The following FIG4 variants were observed in gnomAD, a reference collection of about 807,000 sequenced individuals.
FIG4 encodes FIG4 phosphoinositide 5-phosphatase.
FIG4 carries 112 observed loss-of-function variants against 118.6 expected under a neutral mutation model. The observed-to-expected ratio is 0.94, with a 90% confidence interval of 0.81 to 1.11. The LOEUF is 1.11. Ranked by LOEUF, FIG4 falls within the 50% of genes least tolerant of loss-of-function variation. The pLI, the probability that FIG4 is intolerant of heterozygous loss-of-function variation, is 0.00. For synonymous variants in FIG4, 369 were observed against 381.2 expected, an observed-to-expected ratio of 0.97 and a Z score of 0.37; for missense variants, 969 against 1,111.7, an observed-to-expected ratio of 0.87 and a Z score of 1.83.
intron 16 of FIG4, among the ~76,000 whole-genome samples, chr6:109,778,198 T>C (rs1583720077): frequency 1.3e-5 from 2 of 152,070 alleles, no homozygotes; most frequent in African/African-American, 4.8e-5. Context: ...TGGTGGCTCA[T>C]GCCTGTAATC....
At chr6:109,790,919 T>C (rs1256171863) in intron 19 of FIG4, among the ~76,000 whole-genome samples, 3 of 152,228 alleles carry the variant, frequency 2.0e-5, no homozygotes, top group Non-Finnish European at 4.4e-5. Context: ...TGTTCATTAT[T>C]TGGATACACT....
intron 1 of FIG4, among the ~76,000 whole-genome samples, chr6:109,693,024 A>G (rs1379977578): frequency 6.6e-6 from 1 of 152,070 alleles, no homozygotes; most frequent in Non-Finnish European, 1.5e-5. Context: ...AAAGCTGATC[A>G]CTCATGAGGA....
At chr6:109,766,319 G>A (rs573410534) in intron 14 of FIG4, among the ~76,000 whole-genome samples, 1 of 152,304 alleles carries the variant, frequency 6.6e-6, no homozygotes, top group African/African-American at 2.4e-5. Context: ...CCAGTTTATG[G>A]TGTCTTGTTG....
intron 17 of FIG4, 23 bp downstream of exon 17, chr6:109,785,051 G>A (rs1777913463): frequency 2.9e-6 from 4 of 1,360,712 alleles, no homozygotes; most frequent in Non-Finnish European, 4.2e-6. Flanking sequence ...TTGTGTTTTA[G>A]TTTTTACACT....
chr6:109,776,631 A>G (rs986709468), intron 15 of FIG4, among the ~76,000 whole-genome samples: 3 of 152,220 alleles, frequency 2.0e-5, no homozygotes, highest in Non-Finnish European at 2.9e-5. Context: ...GGTATTTACT[A>G]TCTGAGTTCT....
chr6:109,804,039 G>A (rs183952291), intron 22 of FIG4, among the ~76,000 whole-genome samples: 160 of 152,178 alleles, frequency 1.1e-3, no homozygotes, highest in African/African-American at 3.6e-3. Context: ...TCAGATTAAA[G>A]GGAAAACATT....
rs547201099 is a variant in FIG4, at chr6:109,714,787, A to C, written c.67-291A>C. 3.0e-4 allele frequency among the ~76,000 whole-genome samples: 45 copies of C among 152,316 alleles called. 1 individual carries two copies. Among genetic ancestry groups the C allele is most frequent in the African/African-American group, 9.9e-4 (41 of 41,580 alleles). ...AAAGCTTAAACATCAGCCTCCAATCAGTTAGATTAATCTCTAAATTTATGA... is the reference window on the plus strand; with the variant it reads ...AAAGCTTAAACATCAGCCTCCAATCCGTTAGATTAATCTCTAAATTTATGA... On this transcript the variant is annotated intron_variant, in intron 1 of 22. Coordinates refer to ENST00000230124, the MANE Select transcript of FIG4 (RefSeq NM_014845.6).
At chr6:109,776,769 G>C (rs535626917) in intron 15 of FIG4, among the ~76,000 whole-genome samples, 153 bp from the exon 16 acceptor site, 1 of 152,162 alleles carries the variant, frequency 6.6e-6, no homozygotes, top group South Asian at 2.1e-4. Flanking sequence ...TCCAAATCTT[G>C]GTAACTTATG....
intron 10 of FIG4, among the ~76,000 whole-genome samples, chr6:109,758,770 C>T (rs759523109): frequency 6.6e-6 from 1 of 151,904 alleles, no homozygotes; most frequent in Non-Finnish European, 1.5e-5. Flanking sequence ...AAGAAAATAC[C>T]CCATCAAAAA....
rs534958500 is a variant in FIG4 at position 109,776,356 on chromosome 6, A to G, written c.1751-566A>G. On this transcript the variant is annotated intron_variant, in intron 15 of 22. Transcript: ENST00000230124. ...TTTCAACCACAAAAGAGAATGGGCC[A>G]GGCTCACAGCTGACAGGGACAAAAT... is the stretch of plus-strand genomic sequence containing the variant. Among the ~76,000 whole-genome samples the G allele has an allele frequency of 2.0e-5, 3 of 152,366 alleles. No individual in the cohort carries two copies. In the South Asian group the frequency reaches 6.2e-4, roughly 32 times the overall value.
At chr6:109,711,779 T>C (rs1455045595) in intron 1 of FIG4, among the ~76,000 whole-genome samples, 1 of 152,212 alleles carries the variant, frequency 6.6e-6, no homozygotes, top group East Asian at 1.9e-4. Flanking sequence ...AAGGTTAGAA[T>C]TGATACGTGT....
chr6:109,713,866 A>G (rs1775347058), intron 1 of FIG4, among the ~76,000 whole-genome samples: 2 of 152,098 alleles, frequency 1.3e-5, no homozygotes, highest in South Asian at 4.1e-4. Flanking sequence ...CTTCCCTGCA[A>G]GCAGGGCTGG....
At position 109,743,176 on chromosome 6, in the gene FIG4, G is replaced by T; in HGVS notation, c.943G>T (p.Ala315Ser). 1 of 1,612,786 alleles carries T rather than the reference G, an allele frequency of 6.2e-7. No homozygotes were observed. The highest frequency in any genetic ancestry group is 1.1e-5 in the South Asian group (1 of 91,058). Residue 315 changes from alanine (A) to serine (S), a missense_variant, in exon 9 of 23, where the codon GCA (alanine) becomes TCA (serine). By Grantham distance (99) the Ala-to-Ser change is moderately conservative. This residue lies in a region of FIG4 where 393 missense variants were observed against 409.4 expected (regional missense o/e 0.96). Transcript: ENST00000230124. ...CGATGCTTCTGTGATGTCTTTCACTGCAGGAAGTTATTCTTCATATGTACA... is the reference window on the plus strand; with the variant it reads ...CGATGCTTCTGTGATGTCTTTCACTTCAGGAAGTTATTCTTCATATGTACA... ...LCDASVMSFTAGSYSSYVQVR... is the reference protein window; with the variant it reads ...LCDASVMSFTSGSYSSYVQVR...
At chr6:109,732,776 TAC>T in intron 5 of FIG4, 89 bp downstream of exon 5, 1 of 724,278 alleles carries the variant, frequency 1.4e-6, no homozygotes, top group Admixed American at 2.2e-5. Flanking sequence ...AACATAGTAG[TAC>T]TTCTCTTTCA....
rs557247342 is a variant in FIG4 at position 109,814,241 on chromosome 6, C to G, written c.2547-10847C>G. Among the ~76,000 whole-genome samples the G allele has an allele frequency of 3.9e-4, 60 of 152,216 alleles. 2 individuals are homozygous for G. The South Asian group carries it at 0.01, about 26-fold the overall frequency. ...AGAACCTTGACCTGCCCGGCTCAAG[C>G]GATACTCCCACCTCAACTTCCCAAC... On this transcript the variant is annotated intron_variant, in intron 22 of 22. Coordinates refer to ENST00000230124, the MANE Select transcript of FIG4 (RefSeq NM_014845.6).
intron 22 of FIG4, among the ~76,000 whole-genome samples, chr6:109,799,097 A>G (rs1412547586): frequency 6.6e-6 from 1 of 152,248 alleles, no homozygotes; most frequent in Admixed American, 6.5e-5. Flanking sequence ...CCGTTTTCTT[A>G]ACATTATTTC....
At chr6:109,736,543 G>A (rs550622006) in intron 6 of FIG4, among the ~76,000 whole-genome samples, 1 of 152,252 alleles carries the variant, frequency 6.6e-6, no homozygotes, top group African/African-American at 2.4e-5. Context: ...TGCTTGCAAC[G>A]CTTCTGAATG....
chr6:109,784,566 TTGTAG>T (rs1308852449), intron 16 of FIG4, among the ~76,000 whole-genome samples: 2 of 152,246 alleles, frequency 1.3e-5, no homozygotes, highest in Non-Finnish European at 2.9e-5. Flanking sequence ...GGAATCCTGG[TTGTAG>T]GACTTGGGTC....
At chr6:109,750,324 G>A (rs1461289079) in intron 10 of FIG4, among the ~76,000 whole-genome samples, 1 of 152,144 alleles carries the variant, frequency 6.6e-6, no homozygotes, top group Non-Finnish European at 1.5e-5. Context: ...GGCTGTTAGG[G>A]GGATCTTGGA....
Sources: allele counts gnomAD v4.1 joint callset (sites outside exome capture counted in the v4.1 genomes callset), GRCh38; gene constraint gnomAD v4.1.1; regional missense constraint gnomAD v4.1.1; transcripts MANE v1.5; gene names NCBI Gene and HGNC (gene_info 2026-07-23, HGNC 2026-07-21).